The following NFYC variants were observed in gnomAD, a reference collection of about 807,000 sequenced individuals.
The protein encoded by NFYC is nuclear transcription factor Y subunit gamma, also known as CAAT box DNA-binding protein subunit C.
NFYC carries 25 observed loss-of-function variants against 53.1 expected under a neutral mutation model. The observed-to-expected ratio is 0.47, with a 90% CI of 0.34 to 0.66. The LOEUF (loss-of-function observed/expected upper bound fraction) is 0.66. Ranked by LOEUF, NFYC falls within the 30% of genes least tolerant of loss-of-function variation. The probability of loss-of-function intolerance (pLI) is 0.01; values close to 1 mark genes in which losing one functional copy is unlikely to be tolerated. For synonymous variants in NFYC, 145 were observed against 152.6 expected, an observed-to-expected ratio of 0.95 and a Z score of 0.37; for missense variants, 260 against 422.7, an observed-to-expected ratio of 0.62 and a Z score of 3.38.
intron 1 of NFYC, among the ~76,000 whole-genome samples, chr1:40,713,130 C>G (rs1557759607): frequency 6.6e-6 from 1 of 152,200 alleles, no homozygotes; most frequent in African/African-American, 2.4e-5. Context: ...GGTGGAAACT[C>G]ATGGGGGTTT....
At chr1:40,762,596 A>G (rs553297701) in intron 6 of NFYC, among the ~76,000 whole-genome samples, 20 of 152,298 alleles carry the variant, frequency 1.3e-4, no homozygotes, top group African/African-American at 4.6e-4. Context: ...CTTATCACTA[A>G]AGGGGCTGTG....
Position 40,694,815 on chromosome 1 carries a change from T to C in NFYC, c.-9+2948T>C, listed in dbSNP as rs138888663. On this transcript the variant is annotated intron_variant, in intron 1 of 9. Transcript: ENST00000447388. ...AAATCTCAGTAGATCTGAGTTTATG[T>C]TGAAAACTTGTGAACCTCAGCTTTT... Among the ~76,000 whole-genome samples the C allele has an allele frequency of 5.5e-4, 84 of 152,356 alleles. No homozygotes were observed. The East Asian group carries it at 0.015, about 28-fold the overall frequency.
chr1:40,760,768 T>C (rs1302491828), intron 6 of NFYC, among the ~76,000 whole-genome samples: 1 of 152,206 alleles, frequency 6.6e-6, no homozygotes, highest in East Asian at 1.9e-4. Context: ...CTGCTCATTT[T>C]ACTTATCCAT....
At chr1:40,756,219 AT>A (rs1646211779) in intron 5 of NFYC, among the ~76,000 whole-genome samples, 1 of 152,244 alleles carries the variant, frequency 6.6e-6, no homozygotes, top group African/African-American at 2.4e-5. Context: ...AGGTATCAGT[AT>A]TTTAGCTTTG....
intron 2 of NFYC, among the ~76,000 whole-genome samples, chr1:40,744,902 C>T (rs1218097657): frequency 2.0e-5 from 3 of 152,128 alleles, no homozygotes; most frequent in Admixed American, 6.5e-5. Context: ...TTACATGTAA[C>T]TAGAAGGCTA....
intron 1 of NFYC, among the ~76,000 whole-genome samples, chr1:40,715,086 CAATAAATAAATA>C (rs59310200): frequency 1.1e-4 from 15 of 142,528 alleles, no homozygotes; most frequent in Non-Finnish European, 2.0e-4. Context: ...TGTCTCAAAA[CAATAAATAAATA>C]AATAAATAAA....
chr1:40,763,085 G>T (rs377417854), intron 7 of NFYC, 39 bp downstream of exon 7: 1 of 1,502,452 alleles, frequency 6.7e-7, no homozygotes, highest in Non-Finnish European at 8.9e-7. Context: ...CAACTTTATA[G>T]AAGGAAATAC....
chr1:40,758,863 A>G (rs1646378573), intron 6 of NFYC, among the ~76,000 whole-genome samples: 1 of 152,194 alleles, frequency 6.6e-6, no homozygotes, highest in Non-Finnish European at 1.5e-5. Flanking sequence ...ACTCTGTACT[A>G]TGAGCTCTGA....
In NFYC at chr1:40,771,116, G is replaced by A; in HGVS notation, c.*288G>A. 1 of 462,790 alleles carries A rather than the reference G, an allele frequency of 2.2e-6. No homozygotes were observed. The highest frequency in any genetic ancestry group is 3.9e-6 in the Non-Finnish European group (1 of 259,310). 28.7% of individuals were successfully genotyped at this position (462,790 alleles called of 1,614,324 possible). ...TAAAATATTAAATAACATATTTATG[G>A]CATTTTCTTGAAGAGTGTGGTTGAA... On this transcript the variant is annotated 3_prime_UTR_variant, in exon 10 of 10. Transcript: ENST00000447388.
intron 6 of NFYC, among the ~76,000 whole-genome samples, chr1:40,759,630 A>G (rs1193036462): frequency 6.6e-6 from 1 of 151,506 alleles, no homozygotes; most frequent in East Asian, 1.9e-4. Context: ...GTGTGTATGT[A>G]TGTAGGGGAG....
At position 40,736,703 on chromosome 1, in the gene NFYC, A is replaced by G. The variant is rs537474897; in HGVS notation, c.-8-2133A>G. ...ACAGGTTGAGTATCCTTAATCTGAA[A>G]ATCTGAAATCCGAAACTTTTTGAGC... On this transcript the variant is annotated intron_variant, in intron 1 of 9. Coordinates refer to ENST00000447388, the MANE Select transcript of NFYC (RefSeq NM_014223.5). Among the ~76,000 whole-genome samples the G allele has an allele frequency of 2.6e-5, 4 of 152,142 alleles. No homozygotes were observed. In the South Asian group the frequency reaches 8.3e-4, roughly 32 times the overall value.
chr1:40,693,763 C>A (rs537798930), intron 1 of NFYC, among the ~76,000 whole-genome samples: 96 of 152,284 alleles, frequency 6.3e-4, no homozygotes, highest in African/African-American at 2.2e-3. Context: ...TCAACATAAA[C>A]CTGACTAATG....
At chr1:40,747,878 C>G (rs1001423253) in intron 3 of NFYC, among the ~76,000 whole-genome samples, 1 of 150,444 alleles carries the variant, frequency 6.6e-6, no homozygotes, top group Non-Finnish European at 1.5e-5. Flanking sequence ...CTCTGTTATC[C>G]AGGCCGCAGT....
intron 7 of NFYC, among the ~76,000 whole-genome samples, chr1:40,764,008 T>C (rs1646694859): frequency 6.6e-6 from 1 of 152,256 alleles, no homozygotes; most frequent in Non-Finnish European, 1.5e-5. Flanking sequence ...ATATAACTTA[T>C]CTATTCCTTT....
At chr1:40,751,270 A>AG (rs1645898374) in intron 4 of NFYC, among the ~76,000 whole-genome samples, 1 of 152,230 alleles carries the variant, frequency 6.6e-6, no homozygotes, top group Non-Finnish European at 1.5e-5. Flanking sequence ...AAGGAACCAG[A>AG]GGGAAAAAAT....
In NFYC at chr1:40,731,628, G is replaced by T. The variant is rs1644777643; in HGVS notation, c.-8-7208G>T. Among the ~76,000 whole-genome samples, 3 of 152,160 alleles carry T rather than the reference G, an allele frequency of 2.0e-5. No individual in the cohort carries two copies. The South Asian group carries it at 6.2e-4, about 32-fold the overall frequency. On this transcript the variant is annotated intron_variant, in intron 1 of 9. Transcript: ENST00000447388. ...GCCTCCTGAGTAGCTGGGACTACAGGTGTACGCCACCACACCCAGCTAATT... is the reference window on the plus strand; with the variant it reads ...GCCTCCTGAGTAGCTGGGACTACAGTTGTACGCCACCACACCCAGCTAATT...
chr1:40,730,581 G>T, intron 1 of NFYC: 1 of 985,368 alleles, frequency 1.0e-6, no homozygotes, highest in Non-Finnish European at 1.2e-6. Flanking sequence ...TGATCAAAAT[G>T]CAAGTCACAA....
At chr1:40,723,392 C>T (rs1644396057) in intron 1 of NFYC, 2 of 152,166 alleles carry the variant, frequency 1.3e-5, no homozygotes, top group Non-Finnish European at 2.9e-5. Context: ...ACCAGTTACT[C>T]ACCATTCTTC....
intron 5 of NFYC, among the ~76,000 whole-genome samples, chr1:40,756,760 C>T (rs1182550663): frequency 6.6e-6 from 1 of 152,198 alleles, no homozygotes; most frequent in African/African-American, 2.4e-5. Context: ...TTTCCTGCCT[C>T]TAACTGTCTG....
Sources: gnomAD v4.1 joint callset for allele counts (sites outside exome capture counted in the v4.1 genomes callset) on GRCh38, gnomAD v4.1.1 for gene constraint, MANE v1.5 for transcripts, NCBI Gene and HGNC (gene_info 2026-07-23, HGNC 2026-07-21) for gene names.